The following CNTN5 variants were observed in gnomAD, a reference collection of about 807,000 sequenced individuals.
CNTN5 encodes contactin-5.
In CNTN5, 77 loss-of-function variants were observed where a neutral mutation model predicts 129.1. That is an observed-to-expected ratio of 0.60 (90% CI 0.50 to 0.72). CNTN5 has a LOEUF of 0.72. Among genes scored for constraint, CNTN5 ranks in the 30% least tolerant of loss-of-function variants. The pLI is 0.00. For synonymous variants in CNTN5, 509 were observed against 465.6 expected (o/e 1.09, Z -1.20); for missense variants, 1,478 against 1,328.8 (o/e 1.11, Z -1.75).
At chr11:100,310,067 C>A (rs1440950883) in intron 21 of CNTN5, among the ~76,000 whole-genome samples, 3 of 151,872 alleles carry the variant, frequency 2.0e-5, no homozygotes, top group Non-Finnish European at 2.9e-5. Context: ...ATTCTGAGTT[C>A]CTCCCTTTTT....
At chr11:100,238,790 A>C (rs1949678862) in intron 16 of CNTN5, among the ~76,000 whole-genome samples, 1 of 152,192 alleles carries the variant, frequency 6.6e-6, no homozygotes, top group Non-Finnish European at 1.5e-5. Context: ...GGAGGGAAAT[A>C]GTCTATATTT....
At chr11:99,086,290 A>G (rs1382773480) in intron 1 of CNTN5, among the ~76,000 whole-genome samples, 4 of 152,208 alleles carry the variant, frequency 2.6e-5, no homozygotes, top group African/African-American at 9.7e-5. Context: ...GTGATCTTTT[A>G]GACAAGCCAA....
intron 1 of CNTN5, among the ~76,000 whole-genome samples, chr11:99,065,040 A>G (rs1865045216): frequency 6.6e-6 from 1 of 152,076 alleles, no homozygotes; most frequent in Non-Finnish European, 1.5e-5. Flanking sequence ...CTATTTTAAA[A>G]AAGTTTGCTT....
chr11:99,463,259 A>G (rs920988820), intron 2 of CNTN5, among the ~76,000 whole-genome samples: 1 of 151,094 alleles, frequency 6.6e-6, no homozygotes, highest in Non-Finnish European at 1.5e-5. Flanking sequence ...TAACACGGTG[A>G]AACCCCATCT....
At chr11:100,245,141 T>C (rs1949816422) in intron 16 of CNTN5, among the ~76,000 whole-genome samples, 1 of 152,140 alleles carries the variant, frequency 6.6e-6, no homozygotes, top group Admixed American at 6.6e-5. Context: ...CTCAACTTTT[T>C]ATGCAAGGGC....
At chr11:99,989,975 C>T (rs946921759) in intron 8 of CNTN5, among the ~76,000 whole-genome samples, 2 of 152,142 alleles carry the variant, frequency 1.3e-5, no homozygotes, top group African/African-American at 4.8e-5. Flanking sequence ...CCGTGTTAGC[C>T]AAGATGGTCT....
chr11:99,710,856 G>T (rs12796757), intron 3 of CNTN5, among the ~76,000 whole-genome samples: 6,722 of 151,926 alleles, frequency 0.044, 143 homozygotes, highest in East Asian at 0.068. Flanking sequence ...TAAATTTTAT[G>T]TATCAACTTA....
chr11:99,904,830 C>T (rs1009283613), intron 6 of CNTN5, among the ~76,000 whole-genome samples: 12 of 152,130 alleles, frequency 7.9e-5, no homozygotes, highest in Non-Finnish European at 1.5e-4. Flanking sequence ...TAGTGATTGC[C>T]ATTCTAAATG....
At chr11:99,101,248 C>T (rs1299885466) in intron 1 of CNTN5, among the ~76,000 whole-genome samples, 3 of 152,084 alleles carry the variant, frequency 2.0e-5, no homozygotes, top group Admixed American at 1.3e-4. Flanking sequence ...TGCCACAACA[C>T]ATGGAAATTA....
intron 15 of CNTN5, among the ~76,000 whole-genome samples, chr11:100,214,435 A>T (rs1342599983): frequency 2.0e-5 from 3 of 152,138 alleles, no homozygotes; most frequent in Non-Finnish European, 4.4e-5. Flanking sequence ...CCCTAAATAC[A>T]CAGTTAAACC....
chr11:99,432,504 C>CT (rs60533446), intron 2 of CNTN5, among the ~76,000 whole-genome samples: 1 of 88,770 alleles, frequency 1.1e-5, no homozygotes, highest in Admixed American at 1.3e-4. Context: ...TCTTTCTTTT[C>CT]TTTCTCTCTC....
chr11:99,846,965 C>G (rs187519082), intron 6 of CNTN5, among the ~76,000 whole-genome samples: 1 of 152,254 alleles, frequency 6.6e-6, no homozygotes, highest in African/African-American at 2.4e-5. Flanking sequence ...GAACCTAATA[C>G]TTTACATTAT....
intron 3 of CNTN5, among the ~76,000 whole-genome samples, chr11:99,766,386 G>C (rs953930886): frequency 1.3e-5 from 2 of 151,978 alleles, no homozygotes; most frequent in African/African-American, 2.4e-5. Context: ...TTTATGTGCT[G>C]TGTGATTTCC....
At chr11:99,136,704 G>A (rs1305985714) in intron 1 of CNTN5, among the ~76,000 whole-genome samples, 1 of 152,068 alleles carries the variant, frequency 6.6e-6, no homozygotes, top group Non-Finnish European at 1.5e-5. Flanking sequence ...GATAGGAAGA[G>A]GAAATGGCCA....
chr11:99,991,012 G>A (rs1939052589), intron 8 of CNTN5, among the ~76,000 whole-genome samples: 1 of 152,118 alleles, frequency 6.6e-6, no homozygotes, highest in African/African-American at 2.4e-5. Flanking sequence ...TATTTAATAT[G>A]CCCTGAAAGG....
chr11:100,127,673 TTTGAGATGGAGTCTCTCTC>T (rs1467363808), intron 13 of CNTN5, among the ~76,000 whole-genome samples: 18 of 132,670 alleles, frequency 1.4e-4, no homozygotes, highest in Non-Finnish European at 1.4e-4. Context: ...TTTTTTTTTT[TTTGAGATGGAGTCTCTCTC>T]TTGTCACCCA....
At chr11:100,020,312 G>A (rs1941065125) in intron 9 of CNTN5, among the ~76,000 whole-genome samples, 2 of 152,054 alleles carry the variant, frequency 1.3e-5, no homozygotes, top group South Asian at 2.1e-4. Context: ...ATTTGTATAT[G>A]GGGTGAGACA....
intron 4 of CNTN5, among the ~76,000 whole-genome samples, chr11:99,829,053 T>C (rs368228362): frequency 1.3e-5 from 2 of 152,148 alleles, no homozygotes; most frequent in East Asian, 1.9e-4. Flanking sequence ...TATGTTGTGA[T>C]GTTTAAAAAG....
At chr11:99,522,335 T>G (rs1340909679) in intron 2 of CNTN5, among the ~76,000 whole-genome samples, 1 of 152,168 alleles carries the variant, frequency 6.6e-6, no homozygotes, top group Admixed American at 6.5e-5. Flanking sequence ...TGAATTTTCA[T>G]CATTAATTGA....
Sources: allele counts gnomAD v4.1 joint callset (sites outside exome capture counted in the v4.1 genomes callset), GRCh38; gene constraint gnomAD v4.1.1; transcripts MANE v1.5; gene names NCBI Gene and HGNC (gene_info 2026-07-23, HGNC 2026-07-21).